The following ADGRB2 variants were observed in gnomAD, a reference collection of about 807,000 sequenced individuals.
ADGRB2 encodes brain-specific angiogenesis inhibitor 2.
A neutral mutation model predicts 178.7 loss-of-function variants in ADGRB2; 47 were observed. That is an observed-to-expected ratio of 0.26 (90% CI 0.21 to 0.34). The LOEUF (loss-of-function observed/expected upper bound fraction) is 0.34, where lower values mean the gene tolerates loss of function less well. Among genes scored for constraint, ADGRB2 ranks in the 10% least tolerant of loss-of-function variants. ADGRB2 has a pLI of 1.00. For missense variants in ADGRB2, 1,584 were observed against 2,180.8 expected, an observed-to-expected ratio of 0.73 and a Z score of 5.45; for synonymous variants, 870 against 912.4, an observed-to-expected ratio of 0.95 and a Z score of 0.84.
At position 31,759,885 on chromosome 1, in the gene ADGRB2, T is replaced by C. The variant is rs934825179; in HGVS notation, c.-190-2374A>G. 6.6e-6 allele frequency among the ~76,000 whole-genome samples: 1 copy of C among 152,142 alleles called. No individual in the cohort carries two copies. Among genetic ancestry groups the C allele is most frequent in the Admixed American group, 6.5e-5 (1 of 15,280 alleles). The stretch of plus-strand genomic sequence containing the variant: ...AGCCCAAGTGGCTCTTAGTCATGAT[T>C]AACCCCCCTGAGCCTGTTTCCCTCT... On this transcript the variant is annotated intron_variant, in intron 1 of 32. Coordinates refer to ENST00000373658, the MANE Select transcript of ADGRB2 (RefSeq NM_001364857.2). The surrounding 1 kb of genome is among the most constrained non-coding windows in gnomAD (Gnocchi z 4.3).
In ADGRB2 at chr1:31,743,144, G is replaced by A. The variant is rs1646076362; in HGVS notation, c.1088-142C>T. ...CTCTGCCCCGGGATCTGTTGCCAGG[G>A]GGATCTCCCAGGGCCCCACCAAGGC... On this transcript the variant is annotated intron_variant, in intron 6 of 32. Transcript: ENST00000373658. 8 of 1,048,890 alleles carry A rather than the reference G, an allele frequency of 7.6e-6. No homozygotes were observed. The South Asian group carries it at 1.6e-4, about 21-fold the overall frequency. The allele number at this position is 1,048,890 out of a possible 1,614,324, so 65.0% of individuals were successfully genotyped here. A position where few individuals can be genotyped will look rare whatever the true frequency, so the allele number is the denominator to read the frequency against.
chr1:31,744,423 G>C lies in ADGRB2; in HGVS notation c.923-66C>G, dbSNP rs1646166078. The C allele has an allele frequency of 5.9e-6, 9 of 1,530,952 alleles. No homozygotes were observed. In the South Asian group the frequency reaches 9.6e-5, roughly 16 times the overall value. 94.8% of individuals were successfully genotyped at this position (1,530,952 alleles called of 1,614,324 possible). ...CAAGCACTCAGTCTCATAGGGATAG[G>C]GGGAGTGGCAGTAAGGTGGGGGCAG... On this transcript the variant is annotated intron_variant, in intron 5 of 32. Coordinates refer to ENST00000373658, the MANE Select transcript of ADGRB2 (RefSeq NM_001364857.2). The surrounding 1 kb of genome is among the most constrained non-coding windows in gnomAD (Gnocchi z 6.7).
In ADGRB2 at chr1:31,728,014, G is replaced by C; in HGVS notation, c.4572+11C>G. 2 of 1,554,752 alleles carry C rather than the reference G, an allele frequency of 1.3e-6. No homozygotes were observed. The highest frequency in any genetic ancestry group is 1.2e-5 in the South Asian group (1 of 85,324). ...GGCCCACCTCACCCCACCCAGCCCG[G>C]GGGGACTCACGGTGCACACGCTCCG... On this transcript the variant is annotated intron_variant, in intron 32 of 32. Coordinates refer to ENST00000373658, the MANE Select transcript of ADGRB2 (RefSeq NM_001364857.2). This position sits in a 1 kb window ranked among gnomAD's most constrained non-coding sequence, Gnocchi z 6.7.
chr1:31,732,283 C>G, intron 27 of ADGRB2, 129 bp from the exon 28 acceptor site: 1 of 1,376,338 alleles, frequency 7.3e-7, no homozygotes, highest in Non-Finnish European at 1.0e-6. Context: ...GGCCCATAGC[C>G]CATGGCCCAG....
Position 31,736,654 on chromosome 1 carries a change from C to T in ADGRB2, c.3049G>A (p.Glu1017Lys), listed in dbSNP as rs1161679505. Reference protein sequence around the residue: ...FLSSFCWVLTEAWQSYLAVIG... With the variant: ...FLSSFCWVLTKAWQSYLAVIG... ...ACAGCCAGGTAGGACTGCCAGGCCTCGGTAAGCACCCAGCAAAAGGAGGAG... is the reference window on the plus strand; with the variant it reads ...ACAGCCAGGTAGGACTGCCAGGCCTTGGTAAGCACCCAGCAAAAGGAGGAG... Residue 1017 changes from glutamate to lysine, a missense_variant, in exon 21 of 33, where the codon GAG (glutamate) becomes AAG (lysine). Around this residue, in one of 3 missense-constraint regions of ADGRB2, gnomAD observed 865 missense variants for 1,192.8 expected, o/e 0.73. Coordinates refer to ENST00000373658, the MANE Select transcript of ADGRB2 (RefSeq NM_001364857.2). The T allele has an allele frequency of 6.2e-7, 1 of 1,614,126 alleles. No homozygotes were observed. Among genetic ancestry groups the T allele is most frequent in the Non-Finnish European group, 8.5e-7 (1 of 1,179,998 alleles).
chr1:31,762,479 C>T (rs376265601), intron 1 of ADGRB2, among the ~76,000 whole-genome samples: 14 of 152,314 alleles, frequency 9.2e-5, no homozygotes, highest in African/African-American at 3.4e-4. Context: ...GGGGTAGAGG[C>T]TCTCTGGCAA....
intron 29 of ADGRB2, among the ~76,000 whole-genome samples, chr1:31,729,515 C>T (rs1406959687): frequency 8.5e-5 from 13 of 152,234 alleles, no homozygotes; most frequent in Admixed American, 8.5e-4. Flanking sequence ...ACCACACACA[C>T]GTGTATCCTC....
chr1:31,753,313 A>C lies in ADGRB2; in HGVS notation c.838+2686T>G, dbSNP rs942507917. Among the ~76,000 whole-genome samples the C allele has an allele frequency of 2.6e-5, 4 of 152,230 alleles. No individual in the cohort carries two copies. On this transcript the variant is annotated intron_variant, in intron 4 of 32. Coordinates refer to ENST00000373658, the MANE Select transcript of ADGRB2 (RefSeq NM_001364857.2). The surrounding 1 kb of genome is among the most constrained non-coding windows in gnomAD (Gnocchi z 4.1). ...AAATTTATGGCTCAACTCACCAAAA[A>C]TAACAAGAGATCTATCAAAGGCAGT...
chr1:31,737,765 A>G lies in ADGRB2; in HGVS notation c.2773-10T>C, dbSNP rs1371991903. On this transcript the variant is annotated splice_polypyrimidine_tract_variant and intron_variant, in intron 18 of 32. Coordinates refer to ENST00000373658, the MANE Select transcript of ADGRB2 (RefSeq NM_001364857.2). ...CCGCCAGCTCCAGGGTCTGGGGAAG[A>G]TGGGCAGACAGTCAGATGGGTTCCT... 6.2e-7 allele frequency: 1 copy of G among 1,612,466 alleles called. No homozygotes were observed.
At chr1:31,736,895 G>A (rs948772936) in intron 20 of ADGRB2, among the ~76,000 whole-genome samples, 172 bp from the exon 21 acceptor site, 1 of 152,184 alleles carries the variant, frequency 6.6e-6, no homozygotes, top group Non-Finnish European at 1.5e-5. Flanking sequence ...AGCACGACAC[G>A]GGCCTGGTGA....
Position 31,735,684 on chromosome 1 carries a change from G to A in ADGRB2, c.3268-19C>T, listed in dbSNP as rs774841832. 3.8e-6 allele frequency: 6 copies of A among 1,582,544 alleles called. No homozygotes were observed. Among genetic ancestry groups the A allele is most frequent in the Non-Finnish European group, 4.3e-6 (5 of 1,159,756 alleles). The stretch of plus-strand genomic sequence containing the variant: ...TGTTCACCTGGGGGCCCAGTAGAGT[G>A]GAGTGGGGGAGACAGGATCACCAGG... On this transcript the variant is annotated intron_variant, in intron 23 of 32. Coordinates refer to ENST00000373658, the MANE Select transcript of ADGRB2 (RefSeq NM_001364857.2). This position sits in a 1 kb window ranked among gnomAD's most constrained non-coding sequence, Gnocchi z 6.0.
intron 1 of ADGRB2, chr1:31,760,845 C>G (rs1363285587): frequency 1.3e-5 from 2 of 152,418 alleles, no homozygotes; most frequent in East Asian, 1.9e-4. Context: ...CGCACACCCT[C>G]CATCCTGCCT....
intron 4 of ADGRB2, among the ~76,000 whole-genome samples, chr1:31,745,443 C>T (rs1345040328): frequency 6.6e-6 from 1 of 152,224 alleles, no homozygotes; most frequent in Non-Finnish European, 1.5e-5. Flanking sequence ...ACCCTGGCCC[C>T]ACCAGGCTCT....
Position 31,728,295 on chromosome 1 carries a change from G to A in ADGRB2, c.4417-15C>T. On this transcript the variant is annotated splice_polypyrimidine_tract_variant and intron_variant, in intron 30 of 32. Coordinates refer to ENST00000373658, the MANE Select transcript of ADGRB2 (RefSeq NM_001364857.2). The surrounding 1 kb of genome is among the most constrained non-coding windows in gnomAD (Gnocchi z 6.7). ...TGCATCACCTTCTAGGGGCCACAGG[G>A]CATCAGAGGGTCGCTCCCCGGGGCA... 1 of 1,612,022 alleles carries A rather than the reference G, an allele frequency of 6.2e-7. No homozygotes were observed. Among genetic ancestry groups the A allele is most frequent in the East Asian group, 2.2e-5 (1 of 44,870 alleles).
At position 31,727,468 on chromosome 1, in the gene ADGRB2, G is replaced by C; in HGVS notation, c.4710C>G (p.Ala1570=). Residue 1570 remains alanine (A), a synonymous_variant, in exon 33 of 33, where the codon GCC becomes GCG. Coordinates refer to ENST00000373658, the MANE Select transcript of ADGRB2 (RefSeq NM_001364857.2). The surrounding 1 kb of genome is among the most constrained non-coding windows in gnomAD (Gnocchi z 4.4). ...CATCCGGTGGTTCTGTGGGCTCCCA[G>C]GCTGCTGCCCGGTGCAGAGTCAGCC... ...RERLTLHRAA[A]WEPTEPPDGD... is the part of the protein sequence containing the mutation. 1 of 1,591,060 alleles carries C rather than the reference G, an allele frequency of 6.3e-7. No individual in the cohort carries two copies. Among genetic ancestry groups the C allele is most frequent in the Non-Finnish European group, 8.5e-7 (1 of 1,173,712 alleles).
chr1:31,742,351 A>G (rs1396128031), intron 7 of ADGRB2, 134 bp from the exon 8 acceptor site: 1 of 1,261,088 alleles, frequency 7.9e-7, no homozygotes, highest in African/African-American at 1.5e-5. Flanking sequence ...TGGAGTGGGG[A>G]GGGGAGGGGG....
chr1:31,744,560 G>A lies in ADGRB2; in HGVS notation c.922+88C>T, dbSNP rs946114971. 19 of 1,515,260 alleles carry A rather than the reference G, an allele frequency of 1.3e-5. No homozygotes were observed. Among genetic ancestry groups the A allele is most frequent in the African/African-American group, 2.8e-5 (2 of 72,244 alleles). The allele number at this position is 1,515,260 out of a possible 1,614,324, so 93.9% of individuals were successfully genotyped here. On this transcript the variant is annotated intron_variant, in intron 5 of 32. Transcript: ENST00000373658. The surrounding 1 kb of genome is among the most constrained non-coding windows in gnomAD (Gnocchi z 6.7). ...AGACGCGACTGAACTGCAGGACAGA[G>A]ACAGACAGGCACACACCAAGCACAC...
At position 31,742,099 on chromosome 1, in the gene ADGRB2, C is replaced by G. The variant is rs767823641; in HGVS notation, c.1371G>C (p.Thr457=). The part of the protein sequence containing the change: ...SVAGPAWATC[T]GALTDTRECS... ...ACTCCCGGGTGTCAGTGAGGGCACC[C>G]GTGCATGTGGCCCAGGCTGGGCCCG... is the stretch of plus-strand genomic sequence containing the variant. The change falls in exon 8 of 33, where the codon ACG becomes ACC. Residue 457 remains threonine, a synonymous_variant. Transcript: ENST00000373658. 4.3e-6 allele frequency: 7 copies of G among 1,612,770 alleles called. No individual in the cohort carries two copies. In the Admixed American group the frequency reaches 6.7e-5, roughly 15 times the overall value.
chr1:31,736,747 G>A (rs974791261), intron 20 of ADGRB2, 24 bp from the exon 21 acceptor site: 1 of 1,609,096 alleles, frequency 6.2e-7, no homozygotes. Flanking sequence ...GAATGGGAGG[G>A]AGTGGCCCTG....
Sources: allele counts gnomAD v4.1 joint callset (sites outside exome capture counted in the v4.1 genomes callset), GRCh38; gene constraint gnomAD v4.1.1; regional missense constraint gnomAD v4.1.1; non-coding constraint Gnocchi (gnomAD v3.1); transcripts MANE v1.5; gene names NCBI Gene and HGNC (gene_info 2026-07-23, HGNC 2026-07-21).